Variants in TRIM55 observed in about 807,000 individuals in gnomAD.
TRIM55 encodes the protein tripartite motif-containing protein 55.
TRIM55 carries 50 observed loss-of-function variants against 60.9 expected under a neutral mutation model. The observed-to-expected ratio is 0.82, with a 90% CI of 0.65 to 1.04. The LOEUF is 1.04. TRIM55 is among the 50% of genes least tolerant of loss of function. The pLI, the probability that TRIM55 is intolerant of heterozygous loss-of-function variation, is 0.00. For missense variants in TRIM55, 681 were observed against 666.9 expected, an observed-to-expected ratio of 1.02 and a Z score of -0.23; for synonymous variants, 237 against 238.1, an observed-to-expected ratio of 1.00 and a Z score of 0.04.
chr8:66,117,131 G>A, the TRIM55 span, among the ~76,000 whole-genome samples: 8 of 152,182 alleles, frequency 5.3e-5, no homozygotes, highest in East Asian at 7.7e-4. Context: ...AATTTGGAGG[G>A]GAAGGGAACT....
At position 66,128,351 on chromosome 8, in the gene TRIM55, A is replaced by T; in HGVS notation, c.216A>T (p.Ser72=). 2 of 1,613,414 alleles carry T rather than the reference A, an allele frequency of 1.2e-6. No individual in the cohort carries two copies. Among genetic ancestry groups the T allele is most frequent in the Non-Finnish European group, 1.7e-6 (2 of 1,179,604 alleles). Residue 72 remains serine, a synonymous_variant, in exon 2 of 10, where the codon TCA becomes TCT. Transcript: ENST00000315962. ...CAAGAGGAGGTACCACCATGGCATC[A>T]GGGGGCCGATTCCGCTGCCCATCCT... is the stretch of plus-strand genomic sequence containing the variant. ...LPTRGGTTMA[S]GGRFRCPSCR...
At chr8:66,154,447 C>G in intron 9 of TRIM55, 113 bp downstream of exon 9, 8 of 1,151,452 alleles carry the variant, frequency 6.9e-6, no homozygotes, top group Non-Finnish European at 9.8e-6. Flanking sequence ...AAACCTCAGC[C>G]AGGGGAAAAG....
At chr8:66,163,330 C>T (rs943760709) in intron 9 of TRIM55, among the ~76,000 whole-genome samples, 1 of 152,006 alleles carries the variant, frequency 6.6e-6, no homozygotes, top group Admixed American at 6.5e-5. Context: ...TTAATTTTCT[C>T]TTCTCTTTCT....
At chr8:66,147,816 A>C (rs1470075433) in intron 4 of TRIM55, among the ~76,000 whole-genome samples, 1 of 150,952 alleles carries the variant, frequency 6.6e-6, no homozygotes, top group South Asian at 2.1e-4. Context: ...AAAAAAAAAA[A>C]ACCACAAAAT....
At chr8:66,141,564 C>T (rs1034201527) in intron 4 of TRIM55, among the ~76,000 whole-genome samples, 10 of 152,186 alleles carry the variant, frequency 6.6e-5, no homozygotes, top group Non-Finnish European at 1.2e-4. Context: ...CACTTCTCAT[C>T]CCTAGAGAAC....
chr8:66,152,950 T>C (rs1810528456), intron 8 of TRIM55, among the ~76,000 whole-genome samples: 1 of 151,176 alleles, frequency 6.6e-6, no homozygotes, highest in Admixed American at 6.6e-5. Context: ...TGTGTGTCCA[T>C]GTCTGTGTGT....
intron 7 of TRIM55, 153 bp from the exon 8 acceptor site, chr8:66,152,224 C>A (rs897732878): frequency 2.9e-6 from 3 of 1,034,792 alleles, no homozygotes; most frequent in Non-Finnish European, 4.1e-6. Flanking sequence ...AAGCACAAAG[C>A]CCTGGCACGG....
At chr8:66,119,506 G>A in the TRIM55 span, among the ~76,000 whole-genome samples, 2 of 152,202 alleles carry the variant, frequency 1.3e-5, no homozygotes, top group Non-Finnish European at 2.9e-5. Flanking sequence ...AGAGAACATG[G>A]GTAAGTGAAA....
intron 4 of TRIM55, 50 bp from the exon 5 acceptor site, chr8:66,149,595 A>T: frequency 2.1e-6 from 3 of 1,436,536 alleles, no homozygotes; most frequent in Non-Finnish European, 2.9e-6. Context: ...GATTTCTCCA[A>T]ATCGACTTTG....
intron 4 of TRIM55, among the ~76,000 whole-genome samples, chr8:66,144,540 T>C (rs1394764810): frequency 6.6e-6 from 1 of 152,230 alleles, no homozygotes. Context: ...GGAGGTATAC[T>C]TCACTTGCTA....
chr8:66,119,347 A>G, the TRIM55 span, among the ~76,000 whole-genome samples: 1 of 152,256 alleles, frequency 6.6e-6, no homozygotes, highest in East Asian at 1.9e-4. Context: ...TTTTGCTTCA[A>G]ACCATATCGG....
At chr8:66,162,476 T>G (rs865955409) in intron 9 of TRIM55, among the ~76,000 whole-genome samples, 1 of 138,800 alleles carries the variant, frequency 7.2e-6, no homozygotes, top group Non-Finnish European at 1.6e-5. Flanking sequence ...TGGTCTGTAG[T>G]TTTTTTTTTT....
intron 2 of TRIM55, among the ~76,000 whole-genome samples, chr8:66,131,422 A>G (rs1158813893): frequency 6.6e-6 from 1 of 152,114 alleles, no homozygotes; most frequent in African/African-American, 2.4e-5. Flanking sequence ...TACTACTGGT[A>G]TGCTCCTATT....
intron 4 of TRIM55, among the ~76,000 whole-genome samples, chr8:66,140,705 G>A (rs977804982): frequency 8.5e-5 from 13 of 152,252 alleles, no homozygotes; most frequent in African/African-American, 2.2e-4. Flanking sequence ...TTGGCTTGCA[G>A]TGAAATGGTC....
chr8:66,172,453 G>T (rs1811695042), intron 9 of TRIM55, among the ~76,000 whole-genome samples: 1 of 152,210 alleles, frequency 6.6e-6, no homozygotes, highest in Admixed American at 6.5e-5. Flanking sequence ...TTTTCTGAAA[G>T]ATAGCATTGG....
At chr8:66,129,485 A>T (rs1809020066) in intron 2 of TRIM55, among the ~76,000 whole-genome samples, 1 of 152,236 alleles carries the variant, frequency 6.6e-6, no homozygotes, top group Non-Finnish European at 1.5e-5. Context: ...TATTATAATT[A>T]TTATAGCTAT....
At chr8:66,163,968 GCA>G (rs768057257) in intron 9 of TRIM55, among the ~76,000 whole-genome samples, 1 of 151,488 alleles carries the variant, frequency 6.6e-6, no homozygotes, top group Non-Finnish European at 1.5e-5. Context: ...TTCATATTTA[GCA>G]TTGTTTATTT....
chr8:66,128,260 T>C, intron 1 of TRIM55, 44 bp from the exon 2 acceptor site: 1 of 1,523,188 alleles, frequency 6.6e-7, no homozygotes, highest in South Asian at 1.3e-5. Flanking sequence ...GAGAAGCTGC[T>C]TGTGGCATTA....
At chr8:66,166,539 A>G (rs893837186) in intron 9 of TRIM55, among the ~76,000 whole-genome samples, 27 of 152,336 alleles carry the variant, frequency 1.8e-4, no homozygotes, top group African/African-American at 6.3e-4. Context: ...TTAGTCCACC[A>G]AGGTGTTAAT....
Sources: gnomAD v4.1 joint callset for allele counts (sites outside exome capture counted in the v4.1 genomes callset) on GRCh38, gnomAD v4.1.1 for gene constraint, MANE v1.5 for transcripts, NCBI Gene and HGNC (gene_info 2026-07-23, HGNC 2026-07-21) for gene names.